Variants in UBE2E2 observed in about 807,000 individuals in gnomAD.
UBE2E2 encodes ubiquitin conjugating enzyme E2 E2, also known as ubiquitin-conjugating enzyme E2 E2.
In UBE2E2, 6 loss-of-function variants were observed where a neutral mutation model predicts 24.7. That is an observed-to-expected ratio of 0.24 (90% CI 0.13 to 0.48). The LOEUF (loss-of-function observed/expected upper bound fraction) is 0.48, where lower values mean the gene tolerates loss of function less well. Ranked by LOEUF, UBE2E2 falls within the 20% of genes least tolerant of loss-of-function variation. The pLI is 0.99. For missense variants in UBE2E2, 169 were observed against 245.0 expected, an observed-to-expected ratio of 0.69 and a Z score of 2.07; for synonymous variants, 104 against 83.6, an observed-to-expected ratio of 1.24 and a Z score of -1.33.
At chr3:23,478,650 A>G (rs1346041538) in intron 3 of UBE2E2, among the ~76,000 whole-genome samples, 1 of 152,206 alleles carries the variant, frequency 6.6e-6, no homozygotes, top group Non-Finnish European at 1.5e-5. Context: ...TAGCAAATTC[A>G]AATCTAGTCT....
At chr3:23,237,778 T>G (rs1015587371) in intron 3 of UBE2E2, among the ~76,000 whole-genome samples, 1 of 152,122 alleles carries the variant, frequency 6.6e-6, no homozygotes. Context: ...ATCAATAGTT[T>G]AGGAGAATAA....
At chr3:23,587,991 T>C (rs1164579589) in intron 5 of UBE2E2, among the ~76,000 whole-genome samples, 3 of 152,220 alleles carry the variant, frequency 2.0e-5, no homozygotes, top group Admixed American at 6.5e-5. Flanking sequence ...CTTAAGCAAG[T>C]CTTGTTGAGC....
intron 3 of UBE2E2, among the ~76,000 whole-genome samples, chr3:23,349,527 T>C (rs1196859933): frequency 1.3e-5 from 2 of 152,270 alleles, no homozygotes; most frequent in East Asian, 3.9e-4. Flanking sequence ...GTCACTCCCA[T>C]CCTAATACTG....
At chr3:23,337,153 A>AG (rs1452098218) in intron 3 of UBE2E2, among the ~76,000 whole-genome samples, 2 of 151,978 alleles carry the variant, frequency 1.3e-5, no homozygotes, top group African/African-American at 2.4e-5. Context: ...AAAAAAAAAA[A>AG]AAAATTCAGC....
chr3:23,368,162 T>C (rs1696310448), intron 3 of UBE2E2, among the ~76,000 whole-genome samples: 1 of 152,142 alleles, frequency 6.6e-6, no homozygotes, highest in Non-Finnish European at 1.5e-5. Flanking sequence ...TCATTTACTC[T>C]TAATTATTTA....
At chr3:23,505,019 C>T (rs530195425) in intron 4 of UBE2E2, among the ~76,000 whole-genome samples, 12 of 150,332 alleles carry the variant, frequency 8.0e-5, no homozygotes, top group African/African-American at 2.2e-4. Context: ...GATCCTTTCA[C>T]GTCAGCCTCC....
intron 3 of UBE2E2, among the ~76,000 whole-genome samples, chr3:23,382,682 T>G (rs1037460792): frequency 6.6e-6 from 1 of 152,198 alleles, no homozygotes; most frequent in Admixed American, 6.5e-5. Flanking sequence ...AAATCACAGC[T>G]TTGCTTGTGG....
intron 3 of UBE2E2, among the ~76,000 whole-genome samples, chr3:23,438,345 C>A (rs1250198376): frequency 6.6e-6 from 1 of 152,126 alleles, no homozygotes; most frequent in Non-Finnish European, 1.5e-5. Flanking sequence ...GGTACCAGAA[C>A]CAGAACATCA....
chr3:23,456,192 C>T (rs1023817454), intron 3 of UBE2E2, among the ~76,000 whole-genome samples: 6 of 152,192 alleles, frequency 3.9e-5, no homozygotes, highest in Non-Finnish European at 8.8e-5. Context: ...CTTTAGGCTC[C>T]ACTTATAATT....
chr3:23,441,952 C>G lies in UBE2E2; in HGVS notation c.228-57656C>G, dbSNP rs192241399. Reference sequence around the variant, plus strand: ...TTTAAGTACTTTAAGAATGTTATTACAAAGCCTTGCTTTGTGATTTAAATT... The same window carrying G: ...TTTAAGTACTTTAAGAATGTTATTAGAAAGCCTTGCTTTGTGATTTAAATT... On this transcript the variant is annotated intron_variant, in intron 3 of 5. Coordinates refer to ENST00000396703, the MANE Select transcript of UBE2E2 (RefSeq NM_152653.4). Among the ~76,000 whole-genome samples the G allele has an allele frequency of 3.9e-5, 6 of 152,206 alleles. No homozygotes were observed. In the South Asian group the frequency reaches 1.0e-3, roughly 26 times the overall value.
At chr3:23,415,163 T>G (rs998304312) in intron 3 of UBE2E2, among the ~76,000 whole-genome samples, 3 of 152,224 alleles carry the variant, frequency 2.0e-5, no homozygotes, top group Non-Finnish European at 4.4e-5. Flanking sequence ...CTAACTTTTT[T>G]TATGCGTATA....
chr3:23,305,348 C>T (rs988931651), intron 3 of UBE2E2, among the ~76,000 whole-genome samples: 1 of 152,202 alleles, frequency 6.6e-6, no homozygotes, highest in Non-Finnish European at 1.5e-5. Flanking sequence ...ATGCTTTATG[C>T]ATGCTCAAAG....
Position 23,233,897 on chromosome 3 carries a change from T to C in UBE2E2, c.227+16585T>C, listed in dbSNP as rs570154160. On this transcript the variant is annotated intron_variant, in intron 3 of 5. Transcript: ENST00000396703. ...GAATATATTATAATGGACAGAGTGT[T>C]TGAAATACTAAATTCAGGGTTTAAA... Among the ~76,000 whole-genome samples the C allele has an allele frequency of 2.6e-5, 4 of 152,318 alleles. No homozygotes were observed. In the South Asian group the frequency reaches 8.3e-4, roughly 32 times the overall value.
intron 3 of UBE2E2, among the ~76,000 whole-genome samples, chr3:23,281,734 T>A (rs2125371916): frequency 6.6e-6 from 1 of 152,366 alleles, no homozygotes; most frequent in East Asian, 1.9e-4. Context: ...CAGTAAATAA[T>A]CTTGTAAATA....
intron 3 of UBE2E2, among the ~76,000 whole-genome samples, chr3:23,318,055 A>AG (rs1048830242): frequency 3.3e-5 from 5 of 152,052 alleles, no homozygotes; most frequent in African/African-American, 1.2e-4. Flanking sequence ...GTTTTAAAAA[A>AG]CAAGTTTCCT....
intron 5 of UBE2E2, among the ~76,000 whole-genome samples, chr3:23,555,164 G>T (rs189537433): frequency 2.0e-5 from 3 of 152,024 alleles, no homozygotes; most frequent in Admixed American, 6.6e-5. Flanking sequence ...TGATCCACCC[G>T]CCTCGGCCTC....
intron 3 of UBE2E2, among the ~76,000 whole-genome samples, chr3:23,306,481 C>T (rs932561510): frequency 2.6e-5 from 4 of 152,088 alleles, no homozygotes; most frequent in African/African-American, 9.7e-5. Flanking sequence ...AAGTATCAAA[C>T]GAGTTGTATC....
chr3:23,236,692 G>A (rs1218857612), intron 3 of UBE2E2, among the ~76,000 whole-genome samples: 3 of 152,144 alleles, frequency 2.0e-5, no homozygotes, highest in African/African-American at 2.4e-5. Context: ...CGTTGAGAAA[G>A]CTGTCAGAAA....
intron 3 of UBE2E2, among the ~76,000 whole-genome samples, chr3:23,268,152 G>GCGAT (rs1164381620): frequency 3.5e-4 from 53 of 150,642 alleles, no homozygotes; most frequent in Non-Finnish European, 5.8e-4. Flanking sequence ...GCACAAGACA[G>GCGAT]GTTTTCCCTC....
Sources: gnomAD v4.1 joint callset for allele counts (sites outside exome capture counted in the v4.1 genomes callset) on GRCh38, gnomAD v4.1.1 for gene constraint, MANE v1.5 for transcripts, NCBI Gene and HGNC (gene_info 2026-07-23, HGNC 2026-07-21) for gene names.